CCDC93: variants seen among roughly 807,000 people sequenced by gnomAD.
CCDC93 encodes the protein coiled-coil domain-containing protein 93.
In CCDC93, 61 loss-of-function variants were observed where a neutral mutation model predicts 108.2. The ratio of observed to expected loss-of-function variants is 0.56; its 90% CI spans 0.46 to 0.70. CCDC93 has a LOEUF of 0.70. CCDC93 is among the 30% of genes least tolerant of loss of function. The pLI, the probability that CCDC93 is intolerant of heterozygous loss-of-function variation, is 0.00. For synonymous variants in CCDC93, 276 were observed against 260.4 expected (o/e 1.06, Z -0.58); for missense variants, 685 against 764.2 (o/e 0.90, Z 1.22).
At chr2:117,944,640 GT>G (rs1678811633) in intron 17 of CCDC93, 2 of 452,876 alleles carry the variant, frequency 4.4e-6, no homozygotes, top group Non-Finnish European at 9.2e-6. Context: ...TGGCTGGATG[GT>G]TTGTCGCCTC....
intron 11 of CCDC93, among the ~76,000 whole-genome samples, chr2:117,968,650 CAT>C (rs1413516050): frequency 2.6e-5 from 4 of 152,198 alleles, no homozygotes; most frequent in Middle Eastern, 3.2e-3. Flanking sequence ...GAATACTGCA[CAT>C]GTTTTTTACC....
At chr2:117,951,831 C>T (rs888146305) in intron 13 of CCDC93, 4 of 271,810 alleles carry the variant, frequency 1.5e-5, no homozygotes, top group African/African-American at 6.9e-5. Context: ...ACACTTGCAA[C>T]CTGGACTACA....
intron 11 of CCDC93, among the ~76,000 whole-genome samples, chr2:117,969,330 G>A (rs959903803): frequency 4.6e-5 from 7 of 152,166 alleles, no homozygotes; most frequent in Non-Finnish European, 8.8e-5. Context: ...ACTGAATGCT[G>A]CCAACAACCA....
At chr2:118,004,072 T>C (rs902482659) in intron 3 of CCDC93, among the ~76,000 whole-genome samples, 1 of 152,184 alleles carries the variant, frequency 6.6e-6, no homozygotes, top group African/African-American at 2.4e-5. Flanking sequence ...TGCAAACAGC[T>C]TGAAAGACAG....
chr2:117,950,376 T>TCA (rs1679014307), intron 13 of CCDC93: 2 of 985,406 alleles, frequency 2.0e-6, no homozygotes, highest in South Asian at 9.4e-5. Flanking sequence ...ACAATCAGCC[T>TCA]CACACACACG....
At chr2:118,001,035 T>C (rs1285278875) in intron 3 of CCDC93, 103 bp from the exon 4 acceptor site, 6 of 702,974 alleles carry the variant, frequency 8.5e-6, no homozygotes, top group African/African-American at 5.3e-5. Context: ...GACTTCTCCA[T>C]GCCAGGCTAG....
At chr2:117,927,535 T>C (rs1289468333) in intron 23 of CCDC93, among the ~76,000 whole-genome samples, 1 of 151,998 alleles carries the variant, frequency 6.6e-6, no homozygotes, top group Non-Finnish European at 1.5e-5. Context: ...GAATAAAATA[T>C]CTAGGAATCC....
At chr2:117,981,642 C>T (rs137970674) in intron 7 of CCDC93, among the ~76,000 whole-genome samples, 1 of 152,314 alleles carries the variant, frequency 6.6e-6, no homozygotes, top group African/African-American at 2.4e-5. Flanking sequence ...AAGAAGGACA[C>T]ACATACAATT....
intron 3 of CCDC93, 70 bp downstream of exon 3, chr2:118,006,652 T>C: frequency 4.7e-6 from 4 of 847,840 alleles, no homozygotes; most frequent in Non-Finnish European, 8.0e-6. Context: ...AACCAACTTC[T>C]GGCACACAGT....
Position 117,973,817 on chromosome 2 carries a change from G to C in CCDC93, c.888+91C>G, listed in dbSNP as rs1232405975. ...GGCTGGTGAGTTACAAGAGAACACG[G>C]GGCACTGCTGGGGTAGTGGGGTAAG... is the stretch of plus-strand genomic sequence containing the variant. On this transcript the variant is annotated intron_variant, in intron 11 of 23. Coordinates refer to ENST00000376300, the MANE Select transcript of CCDC93 (RefSeq NM_019044.5). The C allele has an allele frequency of 4.3e-6, 4 of 936,164 alleles. No individual in the cohort carries two copies. In the East Asian group the frequency reaches 1.0e-4, roughly 25 times the overall value. The allele number at this position is 936,164 out of a possible 1,614,324, so 58.0% of individuals were successfully genotyped here.
chr2:118,003,972 T>A (rs1676790589), intron 3 of CCDC93, among the ~76,000 whole-genome samples: 1 of 152,192 alleles, frequency 6.6e-6, no homozygotes, highest in Non-Finnish European at 1.5e-5. Flanking sequence ...CCAGGCCGGT[T>A]TCCTAGACTA....
Position 117,975,205 on chromosome 2 carries a change from G to A in CCDC93, c.733C>T (p.Leu245Phe), listed in dbSNP as rs1369643221. ...EKADAHEEDE[L>F]RAAEEQRIQS... is the part of the protein sequence containing the mutation. ...CCACACACCTCTTCAGCTGCTCGAA[G>A]CTCATCTTCCTCGTGGGCATCAGCT... Residue 245 changes from leucine to phenylalanine, a missense_variant, in exon 9 of 24, where the codon CTT becomes TTT. By Grantham distance (22) the Leu-to-Phe change is conservative. Coordinates refer to ENST00000376300, the MANE Select transcript of CCDC93 (RefSeq NM_019044.5). The A allele has an allele frequency of 3.7e-6, 6 of 1,613,802 alleles. No individual in the cohort carries two copies. In the South Asian group the frequency reaches 5.5e-5, roughly 15 times the overall value.
chr2:118,006,908 A>G, intron 2 of CCDC93, 92 bp from the exon 3 acceptor site: 1 of 733,608 alleles, frequency 1.4e-6, no homozygotes, highest in Non-Finnish European at 2.4e-6. Context: ...TAGCTCTAAT[A>G]GACTCAGTAA....
chr2:117,948,625 C>T (rs1164499047), intron 14 of CCDC93, among the ~76,000 whole-genome samples: 2 of 152,250 alleles, frequency 1.3e-5, no homozygotes, highest in Non-Finnish European at 2.9e-5. Context: ...CAGTGCTTTG[C>T]TCCATTTCAT....
At chr2:117,949,705 TAAAAA>T in intron 13 of CCDC93, 3 of 747,236 alleles carry the variant, frequency 4.0e-6, no homozygotes, top group Non-Finnish European at 4.9e-6. Flanking sequence ...ATTCAAAAAT[TAAAAA>T]AAAAAAGTTT....
At chr2:117,950,997 C>A (rs1460259737) in intron 13 of CCDC93, 91 of 985,170 alleles carry the variant, frequency 9.2e-5, no homozygotes, top group Non-Finnish European at 1.1e-4. Flanking sequence ...TGACTTAAAT[C>A]ACACCCTCCA....
At chr2:118,007,134 A>G (rs1311416100) in intron 2 of CCDC93, among the ~76,000 whole-genome samples, 2 of 152,262 alleles carry the variant, frequency 1.3e-5, no homozygotes. Context: ...TTATTATTAA[A>G]TGAACATACT....
intron 23 of CCDC93, among the ~76,000 whole-genome samples, chr2:117,926,235 A>G (rs1046758848): frequency 3.9e-5 from 6 of 152,226 alleles, no homozygotes; most frequent in Non-Finnish European, 4.4e-5. Flanking sequence ...AAACACATTC[A>G]AAAGCTAGCA....
At chr2:117,974,750 G>T in intron 10 of CCDC93, 100 bp downstream of exon 10, 1 of 826,430 alleles carries the variant, frequency 1.2e-6, no homozygotes, top group South Asian at 1.5e-5. Context: ...GTGTGCTGGT[G>T]AGAGGCAGCT....
Sources: gnomAD v4.1 joint callset for allele counts (sites outside exome capture counted in the v4.1 genomes callset) on GRCh38, gnomAD v4.1.1 for gene constraint, MANE v1.5 for transcripts, NCBI Gene and HGNC (gene_info 2026-07-23, HGNC 2026-07-21) for gene names.